CLVS1: variants seen among roughly 807,000 people sequenced by gnomAD.
CLVS1 encodes the protein clavesin-1.
Under a neutral mutation model 33.1 loss-of-function variants are expected in CLVS1, and 10 were observed. The observed-to-expected ratio is 0.30, with a 90% CI of 0.19 to 0.51. The LOEUF is 0.51. Among genes scored for constraint, CLVS1 ranks in the 20% least tolerant of loss-of-function variants. The pLI is 0.97. For synonymous variants in CLVS1, 163 were observed against 166.1 expected (o/e 0.98, Z 0.14); for missense variants, 343 against 433.4 (o/e 0.79, Z 1.85).
the CLVS1 span, among the ~76,000 whole-genome samples, chr8:61,017,416 C>T: frequency 2.0e-5 from 3 of 152,208 alleles, no homozygotes; most frequent in South Asian, 2.1e-4. Flanking sequence ...TGCAAGAAGC[C>T]GGGTGCGTTC....
intron 2 of CLVS1, among the ~76,000 whole-genome samples, chr8:61,268,543 G>C (rs1179804614): frequency 6.8e-6 from 1 of 146,472 alleles, no homozygotes; most frequent in Non-Finnish European, 1.5e-5. Flanking sequence ...GTAATGGGAT[G>C]GCTGGGTCAA....
intron 2 of CLVS1, among the ~76,000 whole-genome samples, chr8:61,229,356 C>CTCATGCCAAATGCTTTACCTCTGT (rs1237892633): frequency 2.0e-5 from 3 of 152,226 alleles, no homozygotes; most frequent in Admixed American, 1.3e-4. Flanking sequence ...TGACCACTTG[C>CTCATGCCAAATGCTTTACCTCTGT]TCATGCCAAA....
chr8:60,977,495 T>C, the CLVS1 span, among the ~76,000 whole-genome samples: 4 of 151,956 alleles, frequency 2.6e-5, no homozygotes, highest in East Asian at 3.9e-4. Context: ...AACAAAGAGA[T>C]AGAAATTATA....
At chr8:61,168,663 C>T (rs946835854) in intron 2 of CLVS1, among the ~76,000 whole-genome samples, 1 of 152,178 alleles carries the variant, frequency 6.6e-6, no homozygotes, top group African/African-American at 2.4e-5. Context: ...TTCTCTCACT[C>T]GGCTGACTTG....
the CLVS1 span, among the ~76,000 whole-genome samples, chr8:61,001,102 T>A: frequency 6.6e-6 from 1 of 152,218 alleles, no homozygotes. Context: ...CTCAAAAACC[T>A]TCAATGACTC....
rs1280695549 is a variant in CLVS1, at chr8:61,500,633, A to ACAT, written c.*1092_*1094dup. On this transcript the variant is annotated 3_prime_UTR_variant, in exon 6 of 6. Coordinates refer to ENST00000325897, the MANE Select transcript of CLVS1 (RefSeq NM_173519.3). Reference sequence around the variant, plus strand: ...CAACTACTCATTCAAAAGAAATCAGACATAAAATAAACAGACATCATATAT... The same window carrying ACAT: ...CAACTACTCATTCAAAAGAAATCAGACATCATAAAATAAACAGACATCATATAT... 2.2e-5 allele frequency: 3 copies of ACAT among 137,430 alleles called. No homozygotes were observed. The highest frequency in any genetic ancestry group is 2.2e-4 in the South Asian group (1 of 4,464). 8.5% of individuals were successfully genotyped at this position (137,430 alleles called of 1,614,324 possible).
At chr8:61,244,183 C>T (rs7003747) in intron 2 of CLVS1, among the ~76,000 whole-genome samples, 23,154 of 131,270 alleles carry the variant, frequency 0.18, 3,681 homozygotes, top group East Asian at 0.74. Flanking sequence ...TAGGGCATTG[C>T]ATTTTTTTTT....
At chr8:61,331,563 G>T (rs1211730149) in intron 2 of CLVS1, among the ~76,000 whole-genome samples, 3 of 147,422 alleles carry the variant, frequency 2.0e-5, no homozygotes, top group Non-Finnish European at 4.5e-5. Context: ...TGCCAATTTT[G>T]GTTTGTCTTT....
chr8:61,235,329 C>G (rs1368849874), intron 2 of CLVS1, among the ~76,000 whole-genome samples: 1 of 152,094 alleles, frequency 6.6e-6, no homozygotes, highest in Non-Finnish European at 1.5e-5. Context: ...GCAGAGGACT[C>G]CAGTGAGCTA....
chr8:61,440,307 G>A, intron 3 of CLVS1, among the ~76,000 whole-genome samples: 1 of 152,220 alleles, frequency 6.6e-6, no homozygotes, highest in East Asian at 1.9e-4. Flanking sequence ...GCTTAGCACA[G>A]TTCCTGATGC....
intron 3 of CLVS1, among the ~76,000 whole-genome samples, chr8:61,428,440 T>C (rs1156916299): frequency 6.6e-6 from 1 of 152,136 alleles, no homozygotes; most frequent in Non-Finnish European, 1.5e-5. Context: ...AATAGTAACA[T>C]GAAACTAAGT....
chr8:61,256,524 A>T (rs1304093288), intron 2 of CLVS1, among the ~76,000 whole-genome samples: 2 of 152,212 alleles, frequency 1.3e-5, no homozygotes, highest in Non-Finnish European at 2.9e-5. Flanking sequence ...AAAACAAAAA[A>T]CAAAACAAAA....
chr8:61,239,666 G>A lies in CLVS1; in HGVS notation c.-151-60011G>A, dbSNP rs141234774. Among the ~76,000 whole-genome samples the A allele has an allele frequency of 3.3e-3, 496 of 152,234 alleles. 3 individuals carry two copies. Among genetic ancestry groups the A allele is most frequent in the African/African-American group, 0.012 (483 of 41,516 alleles). On this transcript the variant is annotated intron_variant, in intron 2 of 2. Transcript: ENST00000522621. Reference sequence around the variant, plus strand: ...TGGGAGGATTGCCTGAGGCTGAGAGGTCGAGGCTGCAAGTGAGCCAAGATT... The same window carrying A: ...TGGGAGGATTGCCTGAGGCTGAGAGATCGAGGCTGCAAGTGAGCCAAGATT...
chr8:61,377,441 A>G (rs909935979), intron 3 of CLVS1: 1 of 152,240 alleles, frequency 6.6e-6, no homozygotes, highest in African/African-American at 2.4e-5. Context: ...TACTATTACT[A>G]TAACAAATTA....
chr8:61,170,487 C>G (rs1392269674), intron 2 of CLVS1, among the ~76,000 whole-genome samples: 2 of 152,210 alleles, frequency 1.3e-5, no homozygotes, highest in Non-Finnish European at 2.9e-5. Flanking sequence ...CCAATTACAA[C>G]TAACATGTAT....
chr8:61,379,653 T>C lies in CLVS1; in HGVS notation c.630+2874T>C, dbSNP rs538477330. The stretch of plus-strand genomic sequence containing the variant: ...GTTGTTGACTACTAATTGTTACACT[T>C]TGAGTTCTCTGGGGAGCAGACTATG... On this transcript the variant is annotated intron_variant, in intron 3 of 5. Transcript: ENST00000325897. Among the ~76,000 whole-genome samples, 8 of 152,296 alleles carry C rather than the reference T, an allele frequency of 5.3e-5. No individual in the cohort carries two copies. The East Asian group carries it at 1.5e-3, about 29-fold the overall frequency.
At chr8:61,158,865 G>T (rs190849043) in intron 2 of CLVS1, among the ~76,000 whole-genome samples, 92 of 152,084 alleles carry the variant, frequency 6.0e-4, no homozygotes, top group Middle Eastern at 3.4e-3. Flanking sequence ...TAAAGACAAG[G>T]TCTTGCTGTA....
At chr8:61,389,702 C>A (rs1301607939) in intron 3 of CLVS1, among the ~76,000 whole-genome samples, 1 of 152,194 alleles carries the variant, frequency 6.6e-6, no homozygotes, top group African/African-American at 2.4e-5. Context: ...ATATGACATG[C>A]ACAGCCATGA....
intron 1 of CLVS1, among the ~76,000 whole-genome samples, chr8:61,061,264 C>T (rs530202499): frequency 6.6e-6 from 1 of 152,252 alleles, no homozygotes; most frequent in South Asian, 2.1e-4. Flanking sequence ...GCCAGCTTGA[C>T]ACCTTGGTAA....
Sources: gnomAD v4.1 joint callset for allele counts (sites outside exome capture counted in the v4.1 genomes callset) on GRCh38, gnomAD v4.1.1 for gene constraint, MANE v1.5 for transcripts, NCBI Gene and HGNC (gene_info 2026-07-23, HGNC 2026-07-21) for gene names.